FAM83D: variants seen among roughly 807,000 people sequenced by gnomAD.
FAM83D encodes scaffolding CK1 anchoring protein D.
A neutral mutation model predicts 25.4 loss-of-function variants in FAM83D; 26 were observed. The observed-to-expected ratio is 1.02, with a 90% CI of 0.75 to 1.42. FAM83D has a LOEUF of 1.42. Among genes scored for constraint, FAM83D ranks in the 40% most tolerant of loss-of-function variants. FAM83D has a pLI of 0.00. For synonymous variants in FAM83D, 310 were observed against 318.5 expected, an observed-to-expected ratio of 0.97 and a Z score of 0.28; for missense variants, 740 against 758.1, an observed-to-expected ratio of 0.98 and a Z score of 0.28.
rs769975905 is a variant in FAM83D, at chr20:38,951,736, C to T, written c.974C>T (p.Thr325Ile). The change falls in exon 4 of 4, where the codon ACC (threonine) becomes ATC (isoleucine). Residue 325 changes from threonine (T) to isoleucine (I), a missense_variant. Thr to Ile is a moderately conservative substitution (Grantham distance 89, BLOSUM62 -1). Transcript: ENST00000619850. ...TNRKPQSKEL[T>I]LGNLLRMRLA... is the part of the protein sequence containing the mutation. ...CGAAAACCACAGTCCAAGGAGCTCA[C>T]CCTGGGCAACCTGCTGCGGATGCGG... 1.2e-6 allele frequency: 2 copies of T among 1,614,190 alleles called. No homozygotes were observed. Among genetic ancestry groups the T allele is most frequent in the Non-Finnish European group, 1.7e-6 (2 of 1,180,032 alleles).
intron 1 of FAM83D, among the ~76,000 whole-genome samples, chr20:38,935,600 C>T (rs192521754): frequency 5.9e-5 from 9 of 152,280 alleles, no homozygotes; most frequent in East Asian, 1.9e-4. Context: ...CATGCCACCA[C>T]GCCCAGATAA....
At chr20:38,929,602 A>G (rs1354113361) in intron 1 of FAM83D, among the ~76,000 whole-genome samples, 2 of 150,734 alleles carry the variant, frequency 1.3e-5, no homozygotes, top group Non-Finnish European at 3.0e-5. Flanking sequence ...CCCAAAGACA[A>G]TCTCTTTTGT....
Position 38,952,414 on chromosome 20 carries a change from G to C in FAM83D, c.1652G>C (p.Arg551Thr). 4 of 1,614,222 alleles carry C rather than the reference G, an allele frequency of 2.5e-6. 1 individual carries two copies. In the South Asian group the frequency reaches 4.4e-5, roughly 18 times the overall value. Residue 551 changes from arginine to threonine, a missense_variant, in exon 4 of 4, where the codon AGG (arginine) becomes ACG (threonine). Arg to Thr is a moderately conservative substitution (Grantham distance 71). This residue lies in a region of FAM83D where 375 missense variants were observed against 403.2 expected (regional missense o/e 0.93). Transcript: ENST00000619850. ...AACCACATGCTGGCTATGCTGTCAA[G>C]GAGAACACTCTTTACTGAAAACCAC... The part of the protein sequence containing the change: ...RLNHMLAMLS[R>T]RTLFTENHLG...
intron 1 of FAM83D, among the ~76,000 whole-genome samples, chr20:38,927,695 C>G (rs2085642393): frequency 6.6e-6 from 1 of 151,972 alleles, no homozygotes; most frequent in Non-Finnish European, 1.5e-5. Flanking sequence ...GACGGGGTTT[C>G]TCCATGTTGG....
At chr20:38,931,317 C>T (rs1241046192) in intron 1 of FAM83D, among the ~76,000 whole-genome samples, 2 of 152,204 alleles carry the variant, frequency 1.3e-5, no homozygotes, top group African/African-American at 4.8e-5. Context: ...CTCCTCAACC[C>T]ATCAAGTGGG....
chr20:38,936,802 T>C (rs2085681178), intron 1 of FAM83D, among the ~76,000 whole-genome samples: 1 of 152,044 alleles, frequency 6.6e-6, no homozygotes. Context: ...GATAGCACTT[T>C]TGAGCTTTTG....
At chr20:38,940,423 A>G (rs2085696778) in intron 1 of FAM83D, among the ~76,000 whole-genome samples, 1 of 152,148 alleles carries the variant, frequency 6.6e-6, no homozygotes, top group South Asian at 2.1e-4. Context: ...TGACTGTCAT[A>G]TACTGTCCTA....
rs779480469 is a variant in FAM83D, at chr20:38,951,765, G to A, written c.1003G>A (p.Ala335Thr). Residue 335 changes from alanine (A) to threonine (T), a missense_variant, in exon 4 of 4, where the codon GCT becomes ACT. Physicochemically the swap from Ala to Thr is moderately conservative, Grantham distance 58 (BLOSUM62 0). Transcript: ENST00000619850. Reference protein sequence around the residue: ...TLGNLLRMRLARLSSTPRKAD... With the variant: ...TLGNLLRMRLTRLSSTPRKAD... Reference sequence around the variant, plus strand: ...GGGCAACCTGCTGCGGATGCGGCTGGCTAGGCTGTCAAGTACTCCCAGGAA... The same window carrying A: ...GGGCAACCTGCTGCGGATGCGGCTGACTAGGCTGTCAAGTACTCCCAGGAA... 7 of 1,614,232 alleles carry A rather than the reference G, an allele frequency of 4.3e-6. No individual in the cohort carries two copies. The highest frequency in any genetic ancestry group is 3.3e-5 in the South Asian group (3 of 91,090).
At position 38,933,649 on chromosome 20, in the gene FAM83D, C is replaced by T. The variant is rs768112493; in HGVS notation, c.483+6724C>T. Among the ~76,000 whole-genome samples, 178 of 152,282 alleles carry T rather than the reference C, an allele frequency of 1.2e-3. 3 individuals are homozygous for T. Among genetic ancestry groups the T allele is most frequent in the Non-Finnish European group, 8.8e-5 (6 of 68,024 alleles). ...TTTAAAAATATTGTGGTAAAAAATA[C>T]GTAGCAAAATTTACCATTTTAACCA... On this transcript the variant is annotated intron_variant, in intron 1 of 3. Transcript: ENST00000619850.
In FAM83D at chr20:38,926,794, C is replaced by T; in HGVS notation, c.352C>T (p.Pro118Ser). 3 of 1,544,950 alleles carry T rather than the reference C, an allele frequency of 1.9e-6. No individual in the cohort carries two copies. The highest frequency in any genetic ancestry group is 2.6e-6 in the Non-Finnish European group (3 of 1,151,242). ...LEPPLLELGW[P>S]AFYQGAYRGA... The stretch of plus-strand genomic sequence containing the variant: ...GCCACCGCTGTTGGAGCTTGGCTGG[C>T]CCGCCTTCTACCAGGGCGCCTACCG... The change falls in exon 1 of 4, where the codon CCC (proline) becomes TCC (serine). Residue 118 changes from proline (P) to serine (S), a missense_variant. Physicochemically the swap from Pro to Ser is moderately conservative, Grantham distance 74. Coordinates refer to ENST00000619850, the MANE Select transcript of FAM83D (RefSeq NM_030919.3).
chr20:38,926,828 C>A lies in FAM83D; in HGVS notation c.386C>A (p.Thr129Lys). ...TACCAGGGCGCCTACCGCGGCGCCA[C>A]GCGTGTCGAGACGCACTTCCAGCCC... Reference protein sequence around the residue: ...AFYQGAYRGATRVETHFQPRG... With the variant: ...AFYQGAYRGAKRVETHFQPRG... The change falls in exon 1 of 4, where the codon ACG (threonine) becomes AAG (lysine). Residue 129 changes from threonine to lysine, a missense_variant. Physicochemically the swap from Thr to Lys is moderately conservative, Grantham distance 78. Around this residue, in one of 3 missense-constraint regions of FAM83D, gnomAD observed 333 missense variants for 298.6 expected, o/e 1.12. Transcript: ENST00000619850. 6.5e-7 allele frequency: 1 copy of A among 1,535,142 alleles called. No homozygotes were observed. Among genetic ancestry groups the A allele is most frequent in the Non-Finnish European group, 8.7e-7 (1 of 1,146,120 alleles).
intron 1 of FAM83D, among the ~76,000 whole-genome samples, chr20:38,929,990 A>G (rs969049469): frequency 2.0e-5 from 3 of 152,304 alleles, no homozygotes; most frequent in Non-Finnish European, 4.4e-5. Flanking sequence ...AACCACTGTT[A>G]ACCACCACAC....
In FAM83D at chr20:38,951,587, G is replaced by C; in HGVS notation, c.825G>C (p.Leu275=). The change falls in exon 4 of 4, where the codon CTG becomes CTC. Residue 275 remains leucine (L), a synonymous_variant. Transcript: ENST00000619850. Reference sequence around the variant, plus strand: ...TAAACAGCAGTAACTTGGTAATTCTGTCTGGCCAAGTGGTTGAACACTTTG... The same window carrying C: ...TAAACAGCAGTAACTTGGTAATTCTCTCTGGCCAAGTGGTTGAACACTTTG... The part of the protein sequence containing the change: ...GKLNSSNLVI[L]SGQVVEHFDL... 1 of 1,614,108 alleles carries C rather than the reference G, an allele frequency of 6.2e-7. No individual in the cohort carries two copies. The highest frequency in any genetic ancestry group is 8.5e-7 in the Non-Finnish European group (1 of 1,180,024).
chr20:38,931,288 A>C (rs894623919), intron 1 of FAM83D, among the ~76,000 whole-genome samples: 3 of 152,244 alleles, frequency 2.0e-5, no homozygotes, highest in African/African-American at 7.2e-5. Flanking sequence ...AGTAGGAGGC[A>C]TTAAGGCTGG....
At chr20:38,937,296 T>C (rs1166180770) in intron 1 of FAM83D, among the ~76,000 whole-genome samples, 3 of 152,196 alleles carry the variant, frequency 2.0e-5, no homozygotes, top group African/African-American at 7.2e-5. Context: ...TGTGGGCACT[T>C]GATGTGCAAG....
chr20:38,930,053 A>T (rs2145799335), intron 1 of FAM83D, among the ~76,000 whole-genome samples: 1 of 152,298 alleles, frequency 6.6e-6, no homozygotes, highest in Non-Finnish European at 1.5e-5. Context: ...GTGACAGCAG[A>T]TCTGGTGGCT....
At position 38,952,794 on chromosome 20, in the gene FAM83D, A is replaced by G. The variant is rs1130247; in HGVS notation, c.*274A>G. 85,372 of 452,586 alleles carry G rather than the reference A, an allele frequency of 0.19. 8,561 individuals are homozygous for G. Among genetic ancestry groups the G allele is most frequent in the East Asian group, 0.3 (7,408 of 24,792 alleles). The allele number at this position is 452,586 out of a possible 1,614,324, so 28.0% of individuals were successfully genotyped here. On this transcript the variant is annotated 3_prime_UTR_variant, in exon 4 of 4. Transcript: ENST00000619850. ...TGCACTACATAATGATGTTTTGGTC[A>G]ATGACAGACCACGTATATGTTGGCA...
Position 38,951,824 on chromosome 20 carries a change from C to T in FAM83D, c.1062C>T (p.Gly354=). Residue 354 remains glycine, a synonymous_variant, in exon 4 of 4, where the codon GGC becomes GGT. Coordinates refer to ENST00000619850, the MANE Select transcript of FAM83D (RefSeq NM_030919.3). ...TGGACCCAGAGATGCCCGCAGAGGG[C>T]AAGGCAGAGCGCAAGCCCCATGACT... The part of the protein sequence containing the change: ...ADLDPEMPAE[G]KAERKPHDCE... The T allele has an allele frequency of 3.7e-6, 6 of 1,614,156 alleles. No individual in the cohort carries two copies. Among genetic ancestry groups the T allele is most frequent in the Non-Finnish European group, 5.1e-6 (6 of 1,180,022 alleles).
chr20:38,926,674 G>A lies in FAM83D; in HGVS notation c.232G>A (p.Glu78Lys), dbSNP rs961782687. ...ILRAAERPGE[E>K]GAAAAAAAED... ...GCGCGCGGCGGAGAGGCCGGGAGAGGAGGGCGCGGCGGCGGCGGCGGCGGC... is the reference window on the plus strand; with the variant it reads ...GCGCGCGGCGGAGAGGCCGGGAGAGAAGGGCGCGGCGGCGGCGGCGGCGGC... The change falls in exon 1 of 4, where the codon GAG becomes AAG. Residue 78 changes from glutamate to lysine, a missense_variant. Coordinates refer to ENST00000619850, the MANE Select transcript of FAM83D (RefSeq NM_030919.3). The A allele has an allele frequency of 6.5e-7, 1 of 1,528,494 alleles. No homozygotes were observed. Among genetic ancestry groups the A allele is most frequent in the Admixed American group, 2.0e-5 (1 of 49,352 alleles). The allele number at this position is 1,528,494 out of a possible 1,614,324, so 94.7% of individuals were successfully genotyped here.
Sources: gnomAD v4.1 joint callset for allele counts (sites outside exome capture counted in the v4.1 genomes callset) on GRCh38, gnomAD v4.1.1 for gene constraint, gnomAD v4.1.1 regional missense constraint, MANE v1.5 for transcripts, NCBI Gene and HGNC (gene_info 2026-07-23, HGNC 2026-07-21) for gene names.